ZNF518A: variants seen among roughly 807,000 people sequenced by gnomAD.
ZNF518A encodes zinc finger protein 518.
In ZNF518A, 47 loss-of-function variants were observed where a neutral mutation model predicts 102.7. The ratio of observed to expected loss-of-function variants is 0.46; its 90% CI spans 0.36 to 0.58. ZNF518A has a LOEUF of 0.58. Among genes scored for constraint, ZNF518A ranks in the 20% least tolerant of loss-of-function variants. The probability of loss-of-function intolerance (pLI) is 0.00; values close to 1 mark genes in which losing one functional copy is unlikely to be tolerated. For synonymous variants in ZNF518A, 652 were observed against 594.6 expected (o/e 1.10, Z -1.40); for missense variants, 1,793 against 1,699.8 (o/e 1.05, Z -0.96).
At chr10:96,166,570 C>CATCCT (rs2083142078), downstream of ZNF518A, among the ~76,000 whole-genome samples, 1 of 152,104 alleles carries the variant, frequency 6.6e-6, no homozygotes, top group Non-Finnish European at 1.5e-5. Context: ...AGATCGAGAC[C>CATCCT]ATCCTGGCTA....
chr10:96,163,875 C>T (rs1383647446), downstream of ZNF518A: 5 of 165,866 alleles, frequency 3.0e-5, no homozygotes, highest in East Asian at 1.9e-4. Flanking sequence ...TGATAAGTTT[C>T]GTGATGTACC....
intron 1 of ZNF518A, among the ~76,000 whole-genome samples, chr10:96,182,721 G>T (rs182952792): frequency 1.1e-4 from 16 of 152,226 alleles, no homozygotes; most frequent in African/African-American, 3.6e-4. Flanking sequence ...TGCTGGATTC[G>T]GTTTGCCAGT....
At chr10:96,137,359 A>G (rs60394088) in intron 3 of ZNF518A, among the ~76,000 whole-genome samples, 4,694 of 152,280 alleles carry the variant, frequency 0.031, 241 homozygotes, top group East Asian at 0.17. Flanking sequence ...AAACAAAACA[A>G]AACAACTCCT....
At chr10:96,175,230 A>G (rs1282289266) in intron 1 of ZNF518A, among the ~76,000 whole-genome samples, 1 of 152,236 alleles carries the variant, frequency 6.6e-6, no homozygotes, top group Admixed American at 6.5e-5. Flanking sequence ...ATGAATATAG[A>G]TGCAATAAAG....
intron 1 of ZNF518A, among the ~76,000 whole-genome samples, chr10:96,174,222 A>G (rs2083190325): frequency 1.3e-5 from 2 of 152,086 alleles, no homozygotes; most frequent in Non-Finnish European, 2.9e-5. Flanking sequence ...AAGAAGAAAG[A>G]TTTCAAATTA....
At chr10:96,143,780 A>G (rs1252654069) in intron 3 of ZNF518A, among the ~76,000 whole-genome samples, 5 of 152,090 alleles carry the variant, frequency 3.3e-5, no homozygotes, top group Admixed American at 2.0e-4. Context: ...TTTTTCTCCT[A>G]TTGATTTGGT....
intron 3 of ZNF518A, among the ~76,000 whole-genome samples, chr10:96,151,918 T>C (rs2082467464): frequency 6.6e-6 from 1 of 152,242 alleles, no homozygotes. Context: ...TTAATACTTT[T>C]ACAAAATTGT....
intron 3 of ZNF518A, chr10:96,135,235 A>C (rs974911778): frequency 3.9e-5 from 6 of 152,258 alleles, no homozygotes; most frequent in Admixed American, 3.9e-4. Flanking sequence ...AAGTGAAGCC[A>C]TAAGGAGATG....
At chr10:96,165,098 A>G (rs1423342423), downstream of ZNF518A, among the ~76,000 whole-genome samples, 1 of 152,224 alleles carries the variant, frequency 6.6e-6, no homozygotes, top group East Asian at 1.9e-4. Context: ...ATTAACAGTA[A>G]TCAACTGGGG....
chr10:96,202,062 T>A (rs1483821943), intron 1 of ZNF518A, among the ~76,000 whole-genome samples: 1 of 152,024 alleles, frequency 6.6e-6, no homozygotes, highest in Non-Finnish European at 1.5e-5. Context: ...CTGGCATATC[T>A]AAGGAATAGC....
intron 1 of ZNF518A, among the ~76,000 whole-genome samples, chr10:96,183,663 A>G (rs1272744349): frequency 6.6e-6 from 1 of 152,190 alleles, no homozygotes; most frequent in Non-Finnish European, 1.5e-5. Context: ...ATTTGATTGC[A>G]CTGTGGTCTG....
chr10:96,162,887 A>G lies in ZNF518A; in HGVS notation c.*2113A>G, dbSNP rs1234538125. Reference sequence around the variant, plus strand: ...TTTTCTTCCCAAAATCATAGATGATATATTGTTTAAGAAAGGTAACATATA... The same window carrying G: ...TTTTCTTCCCAAAATCATAGATGATGTATTGTTTAAGAAAGGTAACATATA... On this transcript the variant is annotated 3_prime_UTR_variant, in exon 6 of 6. Coordinates refer to ENST00000316045, the MANE Select transcript of ZNF518A (RefSeq NM_001330736.2). 1 of 167,068 alleles carries G rather than the reference A, an allele frequency of 6.0e-6. No individual in the cohort carries two copies. Among genetic ancestry groups the G allele is most frequent in the East Asian group, 1.9e-4 (1 of 5,186 alleles). 10.3% of individuals were successfully genotyped at this position (167,068 alleles called of 1,614,324 possible).
Position 96,157,338 on chromosome 10 carries a change from G to A in ZNF518A, c.1016G>A (p.Arg339Lys), listed in dbSNP as rs188872865. The change falls in exon 6 of 6, where the codon AGA becomes AAA. Residue 339 changes from arginine (R) to lysine (K), a missense_variant. Physicochemically the swap from Arg to Lys is conservative, Grantham distance 26 (BLOSUM62 2). Around this residue, in one of 3 missense-constraint regions of ZNF518A, gnomAD observed 1,741 missense variants for 1,622.6 expected, o/e 1.07. Coordinates refer to ENST00000316045, the MANE Select transcript of ZNF518A (RefSeq NM_001330736.2). ...AAGAAAATTAACAGTGGAAGTGACA[G>A]AAGTATAGAAAAGAACACTCAAGTG... Reference protein sequence around the residue: ...KRKKINSGSDRSIEKNTQVLK... With the variant: ...KRKKINSGSDKSIEKNTQVLK... The A allele has an allele frequency of 1.3e-4, 217 of 1,611,082 alleles. No homozygotes were observed. In the South Asian group the frequency reaches 1.6e-3, roughly 12 times the overall value.
At chr10:96,139,053 T>C (rs587703328) in intron 3 of ZNF518A, among the ~76,000 whole-genome samples, 2 of 150,552 alleles carry the variant, frequency 1.3e-5, no homozygotes, top group African/African-American at 2.4e-5. Flanking sequence ...TTTTGAAGAA[T>C]GGAAGAAAGC....
chr10:96,180,993 C>T (rs1404214872), intron 1 of ZNF518A, among the ~76,000 whole-genome samples: 3 of 152,176 alleles, frequency 2.0e-5, no homozygotes, highest in African/African-American at 7.2e-5. Context: ...TCTCCACATC[C>T]TCTCCAGCAC....
In ZNF518A at chr10:96,159,869, G is replaced by A; in HGVS notation, c.3547G>A (p.Glu1183Lys). Residue 1183 changes from glutamate (E) to lysine (K), a missense_variant, in exon 6 of 6, where the codon GAG becomes AAG. This residue lies in a region of ZNF518A where 1,741 missense variants were observed against 1,622.6 expected (regional missense o/e 1.07). Coordinates refer to ENST00000316045, the MANE Select transcript of ZNF518A (RefSeq NM_001330736.2). ...ACCATCTAATCAGATTATAGGAGGAGAGCAGAAAGAGCCAGAATCTAGAGA... is the reference window on the plus strand; with the variant it reads ...ACCATCTAATCAGATTATAGGAGGAAAGCAGAAAGAGCCAGAATCTAGAGA... Reference protein sequence around the residue: ...NVPSNQIIGGEQKEPESRDAL... With the variant: ...NVPSNQIIGGKQKEPESRDAL... 1 of 1,613,474 alleles carries A rather than the reference G, an allele frequency of 6.2e-7. No individual in the cohort carries two copies. Among genetic ancestry groups the A allele is most frequent in the African/African-American group, 1.3e-5 (1 of 75,012 alleles).
chr10:96,134,355 C>T (rs587767416), intron 3 of ZNF518A, among the ~76,000 whole-genome samples: 4 of 152,268 alleles, frequency 2.6e-5, no homozygotes, highest in East Asian at 3.9e-4. Flanking sequence ...CTCAGCCTCC[C>T]GAGTAGCTGG....
chr10:96,167,764 T>A (rs115086208), downstream of ZNF518A, among the ~76,000 whole-genome samples: 1,261 of 152,178 alleles, frequency 8.3e-3, 22 homozygotes, highest in African/African-American at 0.029. Context: ...TCAAAATGGA[T>A]CATAGACCTA....
chr10:96,145,304 A>C (rs1554878097), intron 3 of ZNF518A, among the ~76,000 whole-genome samples: 1 of 152,188 alleles, frequency 6.6e-6, no homozygotes, highest in East Asian at 1.9e-4. Context: ...TCCTGACCTC[A>C]GGTGATCCTC....
Sources: gnomAD v4.1 joint callset for allele counts (sites outside exome capture counted in the v4.1 genomes callset) on GRCh38, gnomAD v4.1.1 for gene constraint, gnomAD v4.1.1 regional missense constraint, MANE v1.5 for transcripts, NCBI Gene and HGNC (gene_info 2026-07-23, HGNC 2026-07-21) for gene names.